The following DNAH11 variants were observed in gnomAD, a reference collection of about 807,000 sequenced individuals.
The protein encoded by DNAH11 is dynein axonemal heavy chain 11, also known as axonemal beta dynein heavy chain 11.
In DNAH11, 442 loss-of-function variants were observed where a neutral mutation model predicts 526.0. The ratio of observed to expected loss-of-function variants is 0.84; its 90% CI spans 0.78 to 0.91. The LOEUF is 0.91. DNAH11 is among the 40% of genes least tolerant of loss of function. The probability of loss-of-function intolerance (pLI) is 0.00; values close to 1 mark genes in which losing one functional copy is unlikely to be tolerated. For missense variants in DNAH11, 6,989 were observed against 5,448.7 expected (o/e 1.28, Z -8.90); for synonymous variants, 2,461 against 1,935.9 (o/e 1.27, Z -7.12).
At chr7:21,873,592 G>C in intron 74 of DNAH11, 91 bp downstream of exon 74, 3 of 1,262,448 alleles carry the variant, frequency 2.4e-6, no homozygotes, top group Non-Finnish European at 3.4e-6. Flanking sequence ...ATGTCATTGA[G>C]AGGGATGAAG....
chr7:21,777,520 ATACAT>A (rs1562539699), intron 56 of DNAH11, among the ~76,000 whole-genome samples: 2 of 152,186 alleles, frequency 1.3e-5, no homozygotes, highest in Non-Finnish European at 2.9e-5. Context: ...CTGTGACATA[ATACAT>A]TACTACCAGC....
At position 21,564,307 on chromosome 7, in the gene DNAH11, C is replaced by T. The variant is rs775801944; in HGVS notation, c.1104C>T (p.Ile368=). 5 of 1,613,604 alleles carry T rather than the reference C, an allele frequency of 3.1e-6. No individual in the cohort carries two copies. Among genetic ancestry groups the T allele is most frequent in the Non-Finnish European group, 4.2e-6 (5 of 1,179,682 alleles). The change falls in exon 6 of 82, where the codon ATC becomes ATT. Residue 368 remains isoleucine (I), a synonymous_variant. Coordinates refer to ENST00000409508, the MANE Select transcript of DNAH11 (RefSeq NM_001277115.2). ...TAATCGCTCCATTATTTCATACCAT[C>T]TGTCTGATCTGGAGTCATTCCAAGT... is the stretch of plus-strand genomic sequence containing the variant. ...RILIAPLFHT[I]CLIWSHSKFY...
At chr7:21,797,767 T>G (rs1358243156) in intron 61 of DNAH11, among the ~76,000 whole-genome samples, 1 of 152,166 alleles carries the variant, frequency 6.6e-6, no homozygotes, top group Non-Finnish European at 1.5e-5. Context: ...CCTTAAGAGT[T>G]ACATGCCAAG....
chr7:21,874,036 C>T lies in DNAH11; in HGVS notation c.12195+535C>T, dbSNP rs578040514. On this transcript the variant is annotated intron_variant, in intron 74 of 81. Coordinates refer to ENST00000409508, the MANE Select transcript of DNAH11 (RefSeq NM_001277115.2). ...GAACTCCTGACCTCAGGTGATCCAC[C>T]TGCCTCGGCCTCCCAAAGTGCTGGG... 6.6e-5 allele frequency among the ~76,000 whole-genome samples: 10 copies of T among 151,718 alleles called. No individual in the cohort carries two copies. The South Asian group carries it at 2.1e-3, about 32-fold the overall frequency.
In DNAH11 at chr7:21,606,569, TAAGA is replaced by T. The variant is rs540280965; in HGVS notation, c.3765+31_3765+34del. The T allele has an allele frequency of 6.9e-6, 11 of 1,584,154 alleles. No individual in the cohort carries two copies. In the African/African-American group the frequency reaches 1.5e-4, roughly 22 times the overall value. On this transcript the variant is annotated intron_variant, in intron 19 of 81. Coordinates refer to ENST00000409508, the MANE Select transcript of DNAH11 (RefSeq NM_001277115.2). ...TAAGCTAGTTACCAAGTTTTTGTTT[TAAGA>T]AAGGTTTTACTAGGATAATTGAAGT...
intron 20 of DNAH11, among the ~76,000 whole-genome samples, chr7:21,611,328 C>G (rs1249749666): frequency 6.6e-6 from 1 of 152,132 alleles, no homozygotes; most frequent in Non-Finnish European, 1.5e-5. Context: ...TGAGGATTAC[C>G]CTATCAGCTT....
chr7:21,750,495 C>A, intron 54 of DNAH11, 131 bp downstream of exon 54: 1 of 1,216,502 alleles, frequency 8.2e-7, no homozygotes, highest in Non-Finnish European at 1.1e-6. Flanking sequence ...CATTTTTACA[C>A]GCCTGTATCT....
intron 30 of DNAH11, among the ~76,000 whole-genome samples, chr7:21,665,685 T>A (rs187051204): frequency 6.6e-6 from 1 of 152,254 alleles, no homozygotes; most frequent in East Asian, 1.9e-4. Context: ...TGCTTCTTTT[T>A]TCATGTTGGA....
chr7:21,579,152 T>C (rs1784216881), intron 8 of DNAH11, among the ~76,000 whole-genome samples: 1 of 152,224 alleles, frequency 6.6e-6, no homozygotes, highest in Admixed American at 6.5e-5. Context: ...AGTCAAACCA[T>C]GGCTTTTCTC....
intron 69 of DNAH11, 148 bp from the exon 70 acceptor site, chr7:21,864,387 T>A (rs1407527379): frequency 2.0e-5 from 11 of 560,084 alleles, no homozygotes; most frequent in Non-Finnish European, 2.9e-6. Context: ...TAAGATTCCC[T>A]ATTTCAACAG....
At chr7:21,840,650 A>G (rs75679995) in intron 65 of DNAH11, among the ~76,000 whole-genome samples, 8,182 of 152,258 alleles carry the variant, frequency 0.054, 384 homozygotes, top group East Asian at 0.24. Context: ...CTAGCAGGAA[A>G]GAGACCATGA....
At chr7:21,837,604 A>G (rs1262799922) in intron 65 of DNAH11, among the ~76,000 whole-genome samples, 1 of 152,156 alleles carries the variant, frequency 6.6e-6, no homozygotes, top group Non-Finnish European at 1.5e-5. Flanking sequence ...GAGATTGGTC[A>G]ATGGTTACAA....
At chr7:21,866,954 A>G (rs1307041559) in intron 71 of DNAH11, among the ~76,000 whole-genome samples, 1 of 152,226 alleles carries the variant, frequency 6.6e-6, no homozygotes, top group Non-Finnish European at 1.5e-5. Context: ...AGCAGAGTTC[A>G]GAGGCCAGGA....
At chr7:21,744,838 C>T in intron 50 of DNAH11, 32 bp from the exon 51 acceptor site, 1 of 1,582,206 alleles carries the variant, frequency 6.3e-7, no homozygotes, top group South Asian at 1.2e-5. Context: ...GGATGGTTGA[C>T]ATGCCATATT....
intron 63 of DNAH11, among the ~76,000 whole-genome samples, chr7:21,808,958 C>G (rs1220489418): frequency 1.3e-5 from 2 of 152,172 alleles, no homozygotes; most frequent in Admixed American, 6.5e-5. Flanking sequence ...AACCTCCATA[C>G]TGTTTTCTGT....
At chr7:21,839,684 G>C (rs774172470) in intron 65 of DNAH11, among the ~76,000 whole-genome samples, 1 of 152,078 alleles carries the variant, frequency 6.6e-6, no homozygotes, top group Non-Finnish European at 1.5e-5. Flanking sequence ...TTAAATAGTA[G>C]GAGGTACTGA....
rs140386168 is a variant in DNAH11, at chr7:21,566,397, T to C, written c.1194+2000T>C. ...TGCCCAACATGTTAGGAGTCAAAAGTTAACAATTAGCCAATGTCCATAGCT... is the reference window on the plus strand; with the variant it reads ...TGCCCAACATGTTAGGAGTCAAAAGCTAACAATTAGCCAATGTCCATAGCT... On this transcript the variant is annotated intron_variant, in intron 6 of 81. Coordinates refer to ENST00000409508, the MANE Select transcript of DNAH11 (RefSeq NM_001277115.2). Among the ~76,000 whole-genome samples the C allele has an allele frequency of 4.9e-3, 739 of 152,292 alleles. 4 individuals carry two copies. Among genetic ancestry groups the C allele is most frequent in the African/African-American group, 0.016 (685 of 41,554 alleles).
chr7:21,719,566 G>A (rs1363889191), intron 43 of DNAH11, among the ~76,000 whole-genome samples: 1 of 152,126 alleles, frequency 6.6e-6, no homozygotes, highest in Non-Finnish European at 1.5e-5. Context: ...AAATAACAAA[G>A]CCTCAGAGTT....
intron 58 of DNAH11, among the ~76,000 whole-genome samples, chr7:21,785,299 G>A (rs1788125210): frequency 6.6e-6 from 1 of 152,156 alleles, no homozygotes; most frequent in South Asian, 2.1e-4. Flanking sequence ...AATTTTGACT[G>A]TGACTAAGGA....
Sources: allele counts gnomAD v4.1 joint callset (sites outside exome capture counted in the v4.1 genomes callset), GRCh38; gene constraint gnomAD v4.1.1; transcripts MANE v1.5; gene names NCBI Gene and HGNC (gene_info 2026-07-23, HGNC 2026-07-21).